The following DLG2 variants were observed in gnomAD, a reference collection of about 807,000 sequenced individuals.
DLG2 encodes the protein discs large MAGUK scaffold protein 2.
A neutral mutation model predicts 132.5 loss-of-function variants in DLG2; 45 were observed. The ratio of observed to expected loss-of-function variants is 0.34; its 90% CI spans 0.27 to 0.44. DLG2 has a LOEUF of 0.44. DLG2 is among the 20% of genes least tolerant of loss of function. The probability of loss-of-function intolerance (pLI) is 1.00; values close to 1 mark genes in which losing one functional copy is unlikely to be tolerated. For missense variants in DLG2, 1,045 were observed against 1,196.9 expected, an observed-to-expected ratio of 0.87 and a Z score of 1.87; for synonymous variants, 424 against 419.6, an observed-to-expected ratio of 1.01 and a Z score of -0.13.
chr11:84,488,295 C>T (rs1481878529), intron 7 of DLG2, among the ~76,000 whole-genome samples: 1 of 152,144 alleles, frequency 6.6e-6, no homozygotes, highest in African/African-American at 2.4e-5. Context: ...TGCCCAGTGA[C>T]TTCACTGGAA....
chr11:85,611,691 A>G (rs1015734995), intron 2 of DLG2, among the ~76,000 whole-genome samples: 1 of 152,270 alleles, frequency 6.6e-6, no homozygotes, highest in Non-Finnish European at 1.5e-5. Flanking sequence ...GTATACAGAT[A>G]GCAGATATGC....
intron 6 of DLG2, among the ~76,000 whole-genome samples, chr11:84,732,303 C>T (rs1046961670): frequency 3.9e-5 from 6 of 152,102 alleles, no homozygotes; most frequent in East Asian, 3.9e-4. Context: ...TGCTTGATAA[C>T]CTGATGAATA....
intron 19 of DLG2, among the ~76,000 whole-genome samples, chr11:83,553,498 G>GTGTA (rs1465737662): frequency 6.8e-6 from 1 of 147,674 alleles, no homozygotes; most frequent in African/African-American, 2.6e-5. Flanking sequence ...GTGTGTGTGT[G>GTGTA]TGTGTGTGTG....
At chr11:85,144,082 ATT>A (rs2076677113) in intron 5 of DLG2, among the ~76,000 whole-genome samples, 2 of 151,756 alleles carry the variant, frequency 1.3e-5, no homozygotes, top group African/African-American at 4.8e-5. Context: ...CCTTAATAAT[ATT>A]TGTTTTATAT....
chr11:83,475,732 T>G (rs1423087608), intron 22 of DLG2, among the ~76,000 whole-genome samples: 1 of 151,470 alleles, frequency 6.6e-6, no homozygotes, highest in African/African-American at 2.4e-5. Flanking sequence ...TTTTCTTTTC[T>G]TTTCTCTCTC....
intron 7 of DLG2, among the ~76,000 whole-genome samples, chr11:84,438,589 T>C (rs2099008224): frequency 6.6e-6 from 1 of 152,244 alleles, no homozygotes. Context: ...ATCATGCTCC[T>C]TTGAAGAATT....
At chr11:83,812,582 A>G (rs1169664682) in intron 17 of DLG2, among the ~76,000 whole-genome samples, 1 of 152,198 alleles carries the variant, frequency 6.6e-6, no homozygotes, top group African/African-American at 2.4e-5. Flanking sequence ...TGGGAATCCT[A>G]TAATCCCACC....
At chr11:84,029,854 A>G (rs2095644453) in intron 11 of DLG2, among the ~76,000 whole-genome samples, 1 of 152,250 alleles carries the variant, frequency 6.6e-6, no homozygotes, top group South Asian at 2.1e-4. Flanking sequence ...CAACATACTT[A>G]AGGAAATATT....
intron 6 of DLG2, among the ~76,000 whole-genome samples, chr11:84,915,383 T>C (rs1051928816): frequency 1.3e-5 from 2 of 152,142 alleles, no homozygotes; most frequent in Non-Finnish European, 2.9e-5. Context: ...CTAAAGGAGG[T>C]ATTGCTTTTT....
chr11:85,493,601 T>G (rs1227263164), intron 3 of DLG2, among the ~76,000 whole-genome samples: 5 of 151,420 alleles, frequency 3.3e-5, no homozygotes, highest in African/African-American at 1.2e-4. Flanking sequence ...AGCCCAGGAG[T>G]TCGAGGTGCA....
chr11:84,143,552 T>C (rs781305226), intron 9 of DLG2, among the ~76,000 whole-genome samples: 1 of 152,170 alleles, frequency 6.6e-6, no homozygotes, highest in Non-Finnish European at 1.5e-5. Flanking sequence ...TTCTTTTCCT[T>C]CAAACAATAG....
intron 3 of DLG2, among the ~76,000 whole-genome samples, chr11:85,537,945 T>A (rs1297169573): frequency 6.6e-6 from 1 of 151,604 alleles, no homozygotes; most frequent in African/African-American, 2.4e-5. Flanking sequence ...TGAAACCCCG[T>A]CTCTACTAAA....
At chr11:83,681,234 G>A (rs919065137) in intron 18 of DLG2, among the ~76,000 whole-genome samples, 3 of 152,148 alleles carry the variant, frequency 2.0e-5, no homozygotes, top group African/African-American at 7.2e-5. Context: ...AAACAACACA[G>A]CAGAGAGTCT....
chr11:85,336,330 T>G (rs572616242), intron 3 of DLG2: 1 of 153,098 alleles, frequency 6.5e-6, no homozygotes, highest in Non-Finnish European at 1.5e-5. Context: ...TCTGCCTTCA[T>G]CCCAGGAGGT....
chr11:85,145,454 A>T (rs955681062), intron 5 of DLG2, among the ~76,000 whole-genome samples: 5 of 151,894 alleles, frequency 3.3e-5, no homozygotes, highest in Non-Finnish European at 5.9e-5. Flanking sequence ...AGGTCAATAC[A>T]TTTTACATTT....
At chr11:83,728,998 A>T (rs2090516411) in intron 18 of DLG2, among the ~76,000 whole-genome samples, 1 of 152,196 alleles carries the variant, frequency 6.6e-6, no homozygotes, top group Non-Finnish European at 1.5e-5. Context: ...AGGCATGATT[A>T]TAAGCATTGT....
rs184203341 is a variant in DLG2, at chr11:83,820,008, T to C, written c.1722+13606A>G. Among the ~76,000 whole-genome samples the C allele has an allele frequency of 1.1e-3, 168 of 152,290 alleles. 1 individual carries two copies. Among genetic ancestry groups the C allele is most frequent in the African/African-American group, 3.8e-3 (160 of 41,562 alleles). On this transcript the variant is annotated intron_variant, in intron 17 of 27. Coordinates refer to ENST00000376104, the MANE Select transcript of DLG2 (RefSeq NM_001142699.3). ...CAGGTTTGAATTCCACTTGAATTCA[T>C]TGAGTTATATTTTAAAAAGCTATCA...
At chr11:85,435,900 G>A (rs1416427755) in intron 3 of DLG2, among the ~76,000 whole-genome samples, 4 of 152,088 alleles carry the variant, frequency 2.6e-5, no homozygotes, top group South Asian at 4.1e-4. Flanking sequence ...CATGTTACCT[G>A]ACTTCAAACT....
intron 9 of DLG2, among the ~76,000 whole-genome samples, chr11:84,105,990 T>C (rs945527247): frequency 1.3e-5 from 2 of 152,128 alleles, no homozygotes; most frequent in African/African-American, 4.8e-5. Flanking sequence ...CCCTAATCTG[T>C]AAATTTCTCA....
Sources: gnomAD v4.1 joint callset for allele counts (sites outside exome capture counted in the v4.1 genomes callset) on GRCh38, gnomAD v4.1.1 for gene constraint, MANE v1.5 for transcripts, NCBI Gene and HGNC (gene_info 2026-07-23, HGNC 2026-07-21) for gene names.